PDE8B: variants seen among roughly 807,000 people sequenced by gnomAD.
The protein encoded by PDE8B is high affinity cAMP-specific and IBMX-insensitive 3',5'-cyclic phosphodiesterase 8B.
Under a neutral mutation model 101.3 loss-of-function variants are expected in PDE8B, and 26 were observed. The ratio of observed to expected loss-of-function variants is 0.26; its 90% confidence interval spans 0.19 to 0.36. PDE8B has a LOEUF of 0.36. Ranked by LOEUF, PDE8B falls within the 10% of genes least tolerant of loss-of-function variation. The pLI is 1.00. For missense variants in PDE8B, 810 were observed against 1,163.1 expected (o/e 0.70, Z 4.42); for synonymous variants, 424 against 429.3 (o/e 0.99, Z 0.15).
intron 2 of PDE8B, among the ~76,000 whole-genome samples, chr5:77,318,165 A>G (rs1033347523): frequency 6.6e-6 from 1 of 151,872 alleles, no homozygotes; most frequent in Non-Finnish European, 1.5e-5. Context: ...GATTTTATAT[A>G]GTGGAGATCA....
the PDE8B span, chr5:77,134,197 C>G: frequency 6.6e-6 from 1 of 152,238 alleles, no homozygotes; most frequent in Non-Finnish European, 1.5e-5. Flanking sequence ...AAAGGCACAG[C>G]TGGAGCTCCA....
intron 1 of PDE8B, among the ~76,000 whole-genome samples, chr5:77,306,682 A>G (rs2150077300): frequency 6.6e-6 from 1 of 152,312 alleles, no homozygotes; most frequent in South Asian, 2.1e-4. Context: ...TACTTAACAA[A>G]ATTCCTGAAG....
chr5:77,285,839 G>T (rs1765903956), intron 1 of PDE8B, among the ~76,000 whole-genome samples: 1 of 151,870 alleles, frequency 6.6e-6, no homozygotes, highest in African/African-American at 2.4e-5. Context: ...CATGTTCAGA[G>T]ACTTTTTCCT....
At chr5:77,227,917 C>G (rs1752755800) in intron 1 of PDE8B, among the ~76,000 whole-genome samples, 1 of 152,132 alleles carries the variant, frequency 6.6e-6, no homozygotes, top group Non-Finnish European at 1.5e-5. Flanking sequence ...ATATTTACTT[C>G]TTTATAACAC....
intron 1 of PDE8B, among the ~76,000 whole-genome samples, chr5:77,268,722 AT>A (rs1762210487): frequency 6.6e-6 from 1 of 151,990 alleles, no homozygotes; most frequent in African/African-American, 2.4e-5. Context: ...ATAGTACTTC[AT>A]TATGTACTTC....
At chr5:77,159,725 A>G in the PDE8B span, among the ~76,000 whole-genome samples, 1 of 152,134 alleles carries the variant, frequency 6.6e-6, no homozygotes. Context: ...ACCACTTAAC[A>G]ATGGCAGGGC....
intron 6 of PDE8B, among the ~76,000 whole-genome samples, chr5:77,342,986 T>TTAACTTCTCCATGACCA (rs1348916882): frequency 6.6e-6 from 1 of 152,244 alleles, no homozygotes; most frequent in African/African-American, 2.4e-5. Flanking sequence ...TGTTGGAGAC[T>TTAACTTCTCCATGACCA]TAACTTCTCC....
At chr5:77,097,732 T>TAGATATATATACAC in the PDE8B span, among the ~76,000 whole-genome samples, 44 of 65,232 alleles carry the variant, frequency 6.7e-4, no homozygotes, top group African/African-American at 1.7e-3. Context: ...TATATATATA[T>TAGATATATATACAC]ACATACATAT....
chr5:77,131,420 G>GGACTAAT, the PDE8B span, among the ~76,000 whole-genome samples: 1 of 152,220 alleles, frequency 6.6e-6, no homozygotes, highest in African/African-American at 2.4e-5. Context: ...TCCAGGAACA[G>GGACTAAT]GACTAATGAC....
chr5:77,339,632 G>A (rs1405959351), intron 6 of PDE8B, among the ~76,000 whole-genome samples: 1 of 152,122 alleles, frequency 6.6e-6, no homozygotes, highest in African/African-American at 2.4e-5. Flanking sequence ...TGCAGACTGG[G>A]AAAATGAGGC....
the PDE8B span, among the ~76,000 whole-genome samples, chr5:77,168,454 A>G: frequency 6.4e-4 from 98 of 152,318 alleles, 2 homozygotes; most frequent in Middle Eastern, 0.017. Flanking sequence ...CTGACCCAGA[A>G]CTGCCTGTGC....
At chr5:77,195,170 A>G in the PDE8B span, among the ~76,000 whole-genome samples, 1 of 152,202 alleles carries the variant, frequency 6.6e-6, no homozygotes, top group Admixed American at 6.5e-5. Context: ...CCTTCTTACT[A>G]TATACTCCAG....
chr5:77,124,378 C>T, the PDE8B span, among the ~76,000 whole-genome samples: 2 of 151,878 alleles, frequency 1.3e-5, no homozygotes, highest in African/African-American at 4.8e-5. Context: ...TTGCTTGAGC[C>T]CAGGAGCTCA....
At chr5:77,352,417 AC>A (rs1472876569) in intron 9 of PDE8B, among the ~76,000 whole-genome samples, 1 of 152,258 alleles carries the variant, frequency 6.6e-6, no homozygotes, top group African/African-American at 2.4e-5. Flanking sequence ...CCAACAGAAT[AC>A]ACTTTTCTGG....
the PDE8B span, among the ~76,000 whole-genome samples, chr5:77,150,885 T>C: frequency 6.6e-6 from 1 of 152,226 alleles, no homozygotes; most frequent in African/African-American, 2.4e-5. Flanking sequence ...CTAACAGGTA[T>C]TGGAACTAGG....
chr5:77,416,028 G>A (rs1795468637), intron 17 of PDE8B, among the ~76,000 whole-genome samples: 1 of 152,128 alleles, frequency 6.6e-6, no homozygotes, highest in Non-Finnish European at 1.5e-5. Context: ...TTTCTTCCAT[G>A]GACATTTCCT....
At chr5:77,248,795 T>C (rs1757486963) in intron 1 of PDE8B, among the ~76,000 whole-genome samples, 1 of 152,140 alleles carries the variant, frequency 6.6e-6, no homozygotes, top group Admixed American at 6.5e-5. Flanking sequence ...ATTGGGTCTT[T>C]AAGGTGGTGA....
At position 77,419,753 on chromosome 5, in the gene PDE8B, T is replaced by C; in HGVS notation, c.2130-14T>C. On this transcript the variant is annotated splice_polypyrimidine_tract_variant and intron_variant, in intron 18 of 21. Coordinates refer to ENST00000264917, the MANE Select transcript of PDE8B (RefSeq NM_003719.5). ...ACGCTGTGAACAAGCCCCTTTGTCT[T>C]GTGGTTATTTTAGGAACCATTATCG... 6.2e-7 allele frequency: 1 copy of C among 1,613,746 alleles called. No homozygotes were observed.
intron 14 of PDE8B, chr5:77,410,428 C>T (rs1402142261): frequency 6.6e-6 from 1 of 152,312 alleles, no homozygotes; most frequent in Non-Finnish European, 1.5e-5. Context: ...ACTGCCGTGG[C>T]ATGCTGGTGG....
Sources: allele counts gnomAD v4.1 joint callset (sites outside exome capture counted in the v4.1 genomes callset), GRCh38; gene constraint gnomAD v4.1.1; transcripts MANE v1.5; gene names NCBI Gene and HGNC (gene_info 2026-07-23, HGNC 2026-07-21).